The following CEP170B variants were observed in gnomAD, a reference collection of about 807,000 sequenced individuals.
CEP170B encodes the protein centrosomal protein 170B.
A neutral mutation model predicts 120.6 loss-of-function variants in CEP170B; 55 were observed. That is an observed-to-expected ratio of 0.46 (90% CI 0.37 to 0.57). The LOEUF (loss-of-function observed/expected upper bound fraction) is 0.57, where lower values mean the gene tolerates loss of function less well. CEP170B is among the 20% of genes least tolerant of loss of function. The pLI is 0.00. For missense variants in CEP170B, 2,212 were observed against 2,253.3 expected (o/e 0.98, Z 0.37); for synonymous variants, 1,033 against 954.5 (o/e 1.08, Z -1.52).
At position 104,880,283 on chromosome 14, in the gene CEP170B, A is replaced by G; in HGVS notation, c.334-4A>G. 1 of 1,593,452 alleles carries G rather than the reference A, an allele frequency of 6.3e-7. No homozygotes were observed. The highest frequency in any genetic ancestry group is 8.5e-7 in the Non-Finnish European group (1 of 1,170,870). ...GTACCTCACCCCGCCTGGCCTGCCCACAGCATGAAAAGTACACCAGCCAGC... is the reference window on the plus strand; with the variant it reads ...GTACCTCACCCCGCCTGGCCTGCCCGCAGCATGAAAAGTACACCAGCCAGC... On this transcript the variant is annotated splice_region_variant and splice_polypyrimidine_tract_variant and intron_variant, in intron 5 of 18. Transcript: ENST00000414716.
rs186110281 is a variant in CEP170B, at chr14:104,891,850, G to C, written c.3879-1126G>C. Among the ~76,000 whole-genome samples the C allele has an allele frequency of 6.6e-6, 1 of 152,188 alleles. No individual in the cohort carries two copies. Among genetic ancestry groups the C allele is most frequent in the African/African-American group, 2.4e-5 (1 of 41,434 alleles). On this transcript the variant is annotated intron_variant, in intron 13 of 18. Coordinates refer to ENST00000414716, the MANE Select transcript of CEP170B (RefSeq NM_001112726.3). The surrounding 1 kb of genome is among the most constrained non-coding windows in gnomAD (Gnocchi z 4.3). ...CCAGTTGGTGTCACCCAGAGGTGGA[G>C]GGAGGGCTTCCATGTTTTGTCTTGA...
rs759163345 is a variant in CEP170B, at chr14:104,894,941, G to A, written c.4648G>A (p.Glu1550Lys). 4.8e-5 allele frequency: 76 copies of A among 1,588,524 alleles called. No homozygotes were observed. Among genetic ancestry groups the A allele is most frequent in the Non-Finnish European group, 6.1e-5 (71 of 1,167,266 alleles). The change falls in exon 19 of 19, where the codon GAG becomes AAG. Residue 1550 changes from glutamate to lysine, a missense_variant. By Grantham distance (56) the Glu-to-Lys change is moderately conservative. Around this residue, in one of 2 missense-constraint regions of CEP170B, gnomAD observed 2,166 missense variants for 2,166.7 expected, o/e 1.00. Transcript: ENST00000414716. ...LPDPTFLPDA[E>K]RFLI is the part of the protein sequence containing the mutation. ...GGACCCCACCTTCCTCCCTGATGCC[G>A]AGAGGTTCCTGATCTAGGCCCCAGA...
Position 104,896,679 on chromosome 14 carries a change from G to A in CEP170B, c.*1721G>A, listed in dbSNP as rs1330559917. On this transcript the variant is annotated 3_prime_UTR_variant, in exon 19 of 19. Transcript: ENST00000414716. ...TCAGGTGGTCTTGTGGCTGTCTTTC[G>A]GAAAATGGTTATTTTATATGATTTG... 6.6e-6 allele frequency: 3 copies of A among 455,798 alleles called. No individual in the cohort carries two copies. The highest frequency in any genetic ancestry group is 2.4e-5 in the Admixed American group (1 of 42,506). 28.2% of individuals were successfully genotyped at this position (455,798 alleles called of 1,614,324 possible). A position where few individuals can be genotyped will look rare whatever the true frequency, so the allele number is the denominator to read the frequency against.
chr14:104,872,134 C>T (rs867193676), intron 2 of CEP170B, among the ~76,000 whole-genome samples: 24 of 149,760 alleles, frequency 1.6e-4, no homozygotes, highest in Admixed American at 5.3e-4. Context: ...CGTGTGTGTG[C>T]GTGTGTGTGC....
intron 14 of CEP170B, 42 bp from the exon 15 acceptor site, chr14:104,893,481 G>A (rs765316470): frequency 5.1e-6 from 8 of 1,574,828 alleles, no homozygotes; most frequent in Non-Finnish European, 6.9e-6. Flanking sequence ...CCTGGCAGGA[G>A]CCTCTGCCTG....
rs1895434149 is a variant in CEP170B at position 104,870,725 on chromosome 14, C to T, written c.105+2170C>T. Reference sequence around the variant, plus strand: ...CCTGTCAGTGGAGCCCTGAGCAGGTCGGGAGTGTTGGGGGCTTCCCAGCTC... The same window carrying T: ...CCTGTCAGTGGAGCCCTGAGCAGGTTGGGAGTGTTGGGGGCTTCCCAGCTC... On this transcript the variant is annotated intron_variant, in intron 2 of 18. Coordinates refer to ENST00000414716, the MANE Select transcript of CEP170B (RefSeq NM_001112726.3). The surrounding 1 kb of genome is among the most constrained non-coding windows in gnomAD (Gnocchi z 4.1). Among the ~76,000 whole-genome samples the T allele has an allele frequency of 1.3e-5, 2 of 152,256 alleles. No individual in the cohort carries two copies. Among genetic ancestry groups the T allele is most frequent in the African/African-American group, 4.8e-5 (2 of 41,536 alleles).
chr14:104,889,700 G>C lies in CEP170B; in HGVS notation c.3820G>C (p.Glu1274Gln), dbSNP rs757528380. Residue 1274 changes from glutamate (E) to glutamine (Q), a missense_variant, in exon 13 of 19, where the codon GAG (glutamate) becomes CAG (glutamine). By Grantham distance (29) the Glu-to-Gln change is conservative. Around this residue, in one of 2 missense-constraint regions of CEP170B, gnomAD observed 2,166 missense variants for 2,166.7 expected, o/e 1.00. Coordinates refer to ENST00000414716, the MANE Select transcript of CEP170B (RefSeq NM_001112726.3). ...PGPRDTDDDE[E>Q]EPDPYGFIVQ... ...CCCCCGGGACACGGACGACGATGAG[G>C]AGGAGCCTGACCCTTATGGTTTCAT... 4 of 1,612,160 alleles carry C rather than the reference G, an allele frequency of 2.5e-6. No individual in the cohort carries two copies. The highest frequency in any genetic ancestry group is 1.7e-5 in the Admixed American group (1 of 59,990).
At chr14:104,866,631 C>T (rs1223986962) in intron 1 of CEP170B, among the ~76,000 whole-genome samples, 3 of 152,208 alleles carry the variant, frequency 2.0e-5, no homozygotes, top group Non-Finnish European at 4.4e-5. Context: ...CATCTTCCCA[C>T]CTCCCTGCCC....
intron 9 of CEP170B, 132 bp downstream of exon 9, chr14:104,884,681 C>T (rs1896365174): frequency 2.4e-6 from 1 of 425,014 alleles, no homozygotes; most frequent in East Asian, 4.0e-5. Context: ...TGAGAGCCCT[C>T]GTGGGGAACG....
intron 17 of CEP170B, 22 bp from the exon 18 acceptor site, chr14:104,894,515 T>A (rs1477094133): frequency 1.2e-6 from 2 of 1,608,036 alleles, no homozygotes; most frequent in South Asian, 2.2e-5. Context: ...TGACTCCACC[T>A]CCCTTCCTGC....
At chr14:104,876,876 G>A (rs544529476) in intron 3 of CEP170B, among the ~76,000 whole-genome samples, 2 of 152,348 alleles carry the variant, frequency 1.3e-5, no homozygotes, top group East Asian at 1.9e-4. Context: ...AAGGTAACCC[G>A]GAGGGAACCC....
chr14:104,888,182 C>G (rs536421383), intron 12 of CEP170B, among the ~76,000 whole-genome samples: 1 of 152,350 alleles, frequency 6.6e-6, no homozygotes, highest in South Asian at 2.1e-4. Flanking sequence ...CCCGCAGTCC[C>G]CTGGTGTGGG....
At position 104,877,888 on chromosome 14, in the gene CEP170B, T is replaced by A; in HGVS notation, c.199T>A (p.Phe67Ile). 1 of 1,365,048 alleles carries A rather than the reference T, an allele frequency of 7.3e-7. No homozygotes were observed. The allele number at this position is 1,365,048 out of a possible 1,614,324, so 84.6% of individuals were successfully genotyped here. A position where few individuals can be genotyped will look rare whatever the true frequency, so the allele number is the denominator to read the frequency against. Reference protein sequence around the residue: ...VKDLGSLNGTFVNDMRIPDQK... With the variant: ...VKDLGSLNGTIVNDMRIPDQK... ...CCCGCCACCTGTTTTCCTGCAGACGTTTGTGAATGACATGCGCATCCCGGA... is the reference window on the plus strand; with the variant it reads ...CCCGCCACCTGTTTTCCTGCAGACGATTGTGAATGACATGCGCATCCCGGA... The change falls in exon 4 of 19, where the codon TTT becomes ATT. Residue 67 changes from phenylalanine (F) to isoleucine (I), a missense_variant. This residue lies in a region of CEP170B where 2,166 missense variants were observed against 2,166.7 expected (regional missense o/e 1.00). Coordinates refer to ENST00000414716, the MANE Select transcript of CEP170B (RefSeq NM_001112726.3).
chr14:104,872,375 T>C (rs1429995481), intron 2 of CEP170B, among the ~76,000 whole-genome samples: 3 of 66,002 alleles, frequency 4.5e-5, no homozygotes, highest in African/African-American at 8.9e-5. Flanking sequence ...GTGTGTGCCA[T>C]GGGTGTGCAT....
Position 104,883,841 on chromosome 14 carries a change from C to T in CEP170B, c.1062C>T (p.His354=), listed in dbSNP as rs45449696. Residue 354 remains histidine (H), a synonymous_variant, in exon 9 of 19, where the codon CAC becomes CAT. Transcript: ENST00000414716. Reference sequence around the variant, plus strand: ...CCCTGTCTCCCCCAGGCCACAAGCACGAGGACGGCACGCAGAGTGACTCAG... The same window carrying T: ...CCCTGTCTCCCCCAGGCCACAAGCATGAGGACGGCACGCAGAGTGACTCAG... The part of the protein sequence containing the change: ...VHTRTLKGHK[H]EDGTQSDSED... 563,304 of 1,554,006 alleles carry T rather than the reference C, an allele frequency of 0.36. 107,580 individuals are homozygous for T. The highest frequency in any genetic ancestry group is 0.4 in the Non-Finnish European group (457,660 of 1,149,434).
Position 104,884,147 on chromosome 14 carries a change from C to A in CEP170B, c.1368C>A (p.Gly456=). 6.4e-7 allele frequency: 1 copy of A among 1,556,232 alleles called. No homozygotes were observed. ...PSVPAPVQAG[G]RSSGPQRAGS... ...TCCCAGCCCCAGTCCAGGCAGGGGG[C>A]CGCAGCTCGGGGCCACAGAGGGCCG... The change falls in exon 9 of 19, where the codon GGC becomes GGA. Residue 456 remains glycine, a synonymous_variant. Transcript: ENST00000414716.
chr14:104,886,864 T>C lies in CEP170B; in HGVS notation c.2625T>C (p.Ser875=), dbSNP rs550664070. Residue 875 remains serine, a synonymous_variant, in exon 12 of 19, where the codon AGT becomes AGC. Coordinates refer to ENST00000414716, the MANE Select transcript of CEP170B (RefSeq NM_001112726.3). Reference sequence around the variant, plus strand: ...AGAGCTTCACTAAGGAGCCAGCCAGTGGTCCCCCAGCGCCCGGCAAGCCCC... The same window carrying C: ...AGAGCTTCACTAAGGAGCCAGCCAGCGGTCCCCCAGCGCCCGGCAAGCCCC... The part of the protein sequence containing the change: ...RQESFTKEPA[S]GPPAPGKPPH... The C allele has an allele frequency of 3.7e-6, 6 of 1,610,722 alleles. No individual in the cohort carries two copies. Among genetic ancestry groups the C allele is most frequent in the Non-Finnish European group, 5.1e-6 (6 of 1,179,824 alleles).
chr14:104,865,126 G>A (rs1197704787), upstream of CEP170B, among the ~76,000 whole-genome samples: 92 of 150,450 alleles, frequency 6.1e-4, no homozygotes, highest in African/African-American at 2.2e-3. The surrounding 1 kb of genome is among the most constrained non-coding windows in gnomAD (Gnocchi z 6.7). Context: ...GGCTACCGGG[G>A]CGGGCTCACC....
At chr14:104,878,159 G>A (rs1412993022) in intron 4 of CEP170B, among the ~76,000 whole-genome samples, 196 bp downstream of exon 4, 3 of 150,202 alleles carry the variant, frequency 2.0e-5, no homozygotes, top group African/African-American at 4.9e-5. Context: ...CCGGCCCCCC[G>A]TGGACACCCT....
Sources: gnomAD v4.1 joint callset for allele counts (sites outside exome capture counted in the v4.1 genomes callset) on GRCh38, gnomAD v4.1.1 for gene constraint, gnomAD v4.1.1 regional missense constraint, Gnocchi (gnomAD v3.1) non-coding constraint, MANE v1.5 for transcripts, NCBI Gene and HGNC (gene_info 2026-07-23, HGNC 2026-07-21) for gene names.